Variants in PRKD1 observed in about 807,000 individuals in gnomAD.
The protein encoded by PRKD1 is protein kinase D1, also known as serine/threonine-protein kinase D1.
A neutral mutation model predicts 95.9 loss-of-function variants in PRKD1; 63 were observed. The observed-to-expected ratio is 0.66, with a 90% CI of 0.54 to 0.81. The LOEUF (loss-of-function observed/expected upper bound fraction) is 0.81, where lower values mean the gene tolerates loss of function less well. Among genes scored for constraint, PRKD1 ranks in the 30% least tolerant of loss-of-function variants. The probability of loss-of-function intolerance (pLI) is 0.00; values close to 1 mark genes in which losing one functional copy is unlikely to be tolerated. For missense variants in PRKD1, 1,048 were observed against 1,165.3 expected (o/e 0.90, Z 1.47); for synonymous variants, 425 against 423.1 (o/e 1.00, Z -0.05).
intron 4 of PRKD1, among the ~76,000 whole-genome samples, chr14:29,655,288 G>T (rs1055648964): frequency 1.3e-5 from 2 of 152,144 alleles, no homozygotes; most frequent in African/African-American, 4.8e-5. Context: ...GACACTTTTT[G>T]AGTAAGAATG....
At chr14:29,794,025 G>A (rs1214753934) in intron 1 of PRKD1, among the ~76,000 whole-genome samples, 1 of 152,000 alleles carries the variant, frequency 6.6e-6, no homozygotes, top group African/African-American at 2.4e-5. Flanking sequence ...GCAAGTCTCT[G>A]CTGTGCACAA....
intron 1 of PRKD1, among the ~76,000 whole-genome samples, chr14:29,734,994 AG>A (rs1886647065): frequency 6.6e-6 from 1 of 152,060 alleles, no homozygotes; most frequent in Non-Finnish European, 1.5e-5. Context: ...CCCTTTTCTG[AG>A]GGATCACGTT....
At chr14:29,818,033 A>G (rs894378478) in intron 1 of PRKD1, among the ~76,000 whole-genome samples, 2 of 152,230 alleles carry the variant, frequency 1.3e-5, no homozygotes, top group African/African-American at 4.8e-5. Context: ...GTAAAAAAAA[A>G]TGGCATTTGA....
intron 2 of PRKD1, among the ~76,000 whole-genome samples, chr14:29,702,617 CCTT>C (rs1353839899): frequency 2.0e-5 from 3 of 151,762 alleles, no homozygotes; most frequent in Non-Finnish European, 4.4e-5. Context: ...ACTGTACTAC[CCTT>C]CACTTCTAGA....
Position 29,794,503 on chromosome 14 carries a change from T to C in PRKD1, c.265-68829A>G, listed in dbSNP as rs183554359. On this transcript the variant is annotated intron_variant, in intron 1 of 17. Coordinates refer to ENST00000331968, the MANE Select transcript of PRKD1 (RefSeq NM_002742.3). ...TGTTGTACAGTGATTTACTTATTTA[T>C]TTAAAACATAGATTTTCATCAGGCT... 3.1e-3 allele frequency among the ~76,000 whole-genome samples: 469 copies of C among 152,196 alleles called. 1 individual carries two copies. Among genetic ancestry groups the C allele is most frequent in the Non-Finnish European group, 5.4e-3 (369 of 68,000 alleles).
intron 1 of PRKD1, among the ~76,000 whole-genome samples, chr14:29,878,455 C>A (rs1236740614): frequency 6.6e-6 from 1 of 150,490 alleles, no homozygotes; most frequent in African/African-American, 2.4e-5. Flanking sequence ...AATACTTGTA[C>A]AACAATGTTC....
intron 1 of PRKD1, among the ~76,000 whole-genome samples, chr14:29,891,377 G>T (rs1241609712): frequency 6.6e-6 from 1 of 152,118 alleles, no homozygotes; most frequent in Non-Finnish European, 1.5e-5. Flanking sequence ...AAAAACACAG[G>T]TGAAATATTT....
chr14:29,613,446 A>G (rs1183654791), intron 13 of PRKD1, among the ~76,000 whole-genome samples: 2 of 152,186 alleles, frequency 1.3e-5, no homozygotes, highest in African/African-American at 2.4e-5. Flanking sequence ...ACAAAAAAAA[A>G]TGATGGTAAG....
intron 1 of PRKD1, among the ~76,000 whole-genome samples, chr14:29,816,440 A>G (rs1268727213): frequency 6.6e-6 from 1 of 152,196 alleles, no homozygotes; most frequent in East Asian, 1.9e-4. Flanking sequence ...CATTGTTTTT[A>G]AAAATGTTTT....
intron 2 of PRKD1, among the ~76,000 whole-genome samples, chr14:29,673,516 G>A (rs1254557573): frequency 1.3e-5 from 2 of 152,118 alleles, no homozygotes; most frequent in Non-Finnish European, 2.9e-5. Flanking sequence ...CTTTTCCATA[G>A]CGTCCTGGAC....
intron 11 of PRKD1, 84 bp from the exon 12 acceptor site, chr14:29,626,640 A>T: frequency 1.5e-6 from 1 of 654,148 alleles, no homozygotes; most frequent in Non-Finnish European, 2.2e-6. Context: ...TATTAAATAT[A>T]TTATAAACTA....
chr14:29,919,127 G>A (rs542846429), intron 1 of PRKD1, among the ~76,000 whole-genome samples: 2 of 152,202 alleles, frequency 1.3e-5, no homozygotes, highest in South Asian at 2.1e-4. Flanking sequence ...ACTAGTGAAG[G>A]GTGTATATTT....
chr14:29,686,286 C>A (rs756186561), intron 2 of PRKD1, among the ~76,000 whole-genome samples: 4 of 152,064 alleles, frequency 2.6e-5, no homozygotes, highest in Admixed American at 6.5e-5. Context: ...CTCGCGAGCA[C>A]CAGGATCCTC....
At chr14:29,622,700 G>A (rs1220900014) in intron 13 of PRKD1, among the ~76,000 whole-genome samples, 2 of 152,132 alleles carry the variant, frequency 1.3e-5, no homozygotes, top group African/African-American at 4.8e-5. Flanking sequence ...ATCTCGGCCG[G>A]CCTTATTTTA....
intron 2 of PRKD1, among the ~76,000 whole-genome samples, chr14:29,691,173 G>A (rs967009431): frequency 6.6e-5 from 10 of 152,108 alleles, no homozygotes; most frequent in African/African-American, 9.7e-5. Flanking sequence ...CAATTCTACC[G>A]GGGTCTTTCA....
chr14:29,753,839 A>G lies in PRKD1; in HGVS notation c.265-28165T>C, dbSNP rs563556552. Among the ~76,000 whole-genome samples the G allele has an allele frequency of 6.6e-5, 10 of 152,208 alleles. No homozygotes were observed. In the East Asian group the frequency reaches 1.9e-3, roughly 29 times the overall value. On this transcript the variant is annotated intron_variant, in intron 1 of 17. Transcript: ENST00000331968. ...TATATTCTACTTACCCACTTTTTCA[A>G]TGATGTACACCTAGATCTCTACTAA... is the stretch of plus-strand genomic sequence containing the variant.
intron 1 of PRKD1, among the ~76,000 whole-genome samples, chr14:29,890,849 C>T (rs558374041): frequency 1.1e-3 from 160 of 152,144 alleles, no homozygotes; most frequent in African/African-American, 3.7e-3. Flanking sequence ...TGTTGATATG[C>T]TGTTAATGTT....
At chr14:29,587,993 G>C (rs1335672870) in intron 16 of PRKD1, among the ~76,000 whole-genome samples, 1 of 151,998 alleles carries the variant, frequency 6.6e-6, no homozygotes, top group Non-Finnish European at 1.5e-5. Flanking sequence ...TAGTCTCCTC[G>C]CCTCTCCTCC....
intron 1 of PRKD1, among the ~76,000 whole-genome samples, chr14:29,745,063 AC>A (rs1208366317): frequency 6.6e-6 from 1 of 151,900 alleles, no homozygotes; most frequent in Non-Finnish European, 1.5e-5. Flanking sequence ...TGGCTCCTCC[AC>A]CACCCCGGGA....
Sources: allele counts gnomAD v4.1 joint callset (sites outside exome capture counted in the v4.1 genomes callset), GRCh38; gene constraint gnomAD v4.1.1; transcripts MANE v1.5; gene names NCBI Gene and HGNC (gene_info 2026-07-23, HGNC 2026-07-21).